TRIM5: variants seen among roughly 807,000 people sequenced by gnomAD.
The protein encoded by TRIM5 is tripartite motif-containing protein 5.
In TRIM5, 31 loss-of-function variants were observed where a neutral mutation model predicts 35.6. The observed-to-expected ratio is 0.87, with a 90% CI of 0.65 to 1.18. The LOEUF is 1.18. TRIM5 is among the 50% of genes most tolerant of loss of function. The pLI is 0.00. For synonymous variants in TRIM5, 243 were observed against 215.6 expected, an observed-to-expected ratio of 1.13 and a Z score of -1.11; for missense variants, 609 against 591.6, an observed-to-expected ratio of 1.03 and a Z score of -0.31.
At chr11:5,657,603 TA>T in the TRIM5 span, among the ~76,000 whole-genome samples, 1 of 90,952 alleles carries the variant, frequency 1.1e-5, no homozygotes, top group Non-Finnish European at 1.9e-5. Context: ...ATATATAATA[TA>T]TATTTATATA....
the TRIM5 span, among the ~76,000 whole-genome samples, chr11:5,652,408 T>G: frequency 1.3e-5 from 2 of 152,264 alleles, no homozygotes; most frequent in Admixed American, 6.5e-5. Context: ...CTCAGCCCAT[T>G]CATTGAATAA....
the TRIM5 span, among the ~76,000 whole-genome samples, chr11:5,627,380 CA>C: frequency 3.4e-4 from 51 of 148,524 alleles, no homozygotes; most frequent in Admixed American, 8.7e-4. Context: ...AACTCCGTCT[CA>C]AAAAAAAAGG....
In TRIM5 at chr11:5,663,330, T is replaced by A; in HGVS notation, c.*1479A>T. 1 of 944,754 alleles carries A rather than the reference T, an allele frequency of 1.1e-6. No individual in the cohort carries two copies. The highest frequency in any genetic ancestry group is 1.3e-6 in the Non-Finnish European group (1 of 792,924). The allele number at this position is 944,754 out of a possible 1,614,324, so 58.5% of individuals were successfully genotyped here. ...TCAGTTTGTTTGATAAAGACTAATATGTAGCAACACTAGAATTACAATAAA... is the reference window on the plus strand; with the variant it reads ...TCAGTTTGTTTGATAAAGACTAATAAGTAGCAACACTAGAATTACAATAAA... On this transcript the variant is annotated 3_prime_UTR_variant, in exon 8 of 8. Transcript: ENST00000380034.
chr11:5,592,397 G>A, the TRIM5 span, among the ~76,000 whole-genome samples: 1 of 152,016 alleles, frequency 6.6e-6, no homozygotes, highest in Non-Finnish European at 1.5e-5. Flanking sequence ...TTACAGATAG[G>A]GAAACTGAGG....
At chr11:5,676,908 A>T (rs1201999593) in intron 4 of TRIM5, among the ~76,000 whole-genome samples, 80 of 150,492 alleles carry the variant, frequency 5.3e-4, no homozygotes, top group African/African-American at 1.9e-3. Context: ...ATATGTAGAA[A>T]GCTGAAACTG....
the TRIM5 span, among the ~76,000 whole-genome samples, chr11:5,609,099 T>C: frequency 6.6e-6 from 1 of 152,208 alleles, no homozygotes; most frequent in South Asian, 2.1e-4. Flanking sequence ...ACCCGAGCTC[T>C]GGAGGATAAT....
the TRIM5 span, among the ~76,000 whole-genome samples, chr11:5,628,732 T>C: frequency 1.1e-3 from 160 of 152,248 alleles, no homozygotes; most frequent in African/African-American, 3.6e-3. Flanking sequence ...ACAAACTAGA[T>C]GACTTAAAAC....
chr11:5,645,253 G>A, the TRIM5 span, among the ~76,000 whole-genome samples: 2 of 152,012 alleles, frequency 1.3e-5, no homozygotes, highest in Admixed American at 1.3e-4. Context: ...TTAGCTGGAT[G>A]TGGTGGCGAG....
the TRIM5 span, among the ~76,000 whole-genome samples, chr11:5,625,267 C>T: frequency 1.8e-4 from 28 of 152,218 alleles, no homozygotes; most frequent in African/African-American, 6.3e-4. Flanking sequence ...GTTAAAGAGG[C>T]AGAAGGCCGC....
the TRIM5 span, among the ~76,000 whole-genome samples, chr11:5,624,332 A>T: frequency 6.6e-6 from 1 of 152,170 alleles, no homozygotes; most frequent in African/African-American, 2.4e-5. Context: ...CCTTTTAAAG[A>T]TTTAGAGCAT....
At chr11:5,604,177 CGTGTGTGTGT>C in the TRIM5 span, among the ~76,000 whole-genome samples, 4 of 131,372 alleles carry the variant, frequency 3.0e-5, no homozygotes, top group African/African-American at 7.7e-5. Flanking sequence ...TGTGTGTGTG[CGTGTGTGTGT>C]GTGTTTAGTA....
chr11:5,635,404 A>G, the TRIM5 span, among the ~76,000 whole-genome samples: 7 of 151,518 alleles, frequency 4.6e-5, no homozygotes, highest in Admixed American at 1.3e-4. Context: ...ACAGGCACCC[A>G]CCACCACGTC....
At chr11:5,658,005 A>G in the TRIM5 span, among the ~76,000 whole-genome samples, 1 of 152,084 alleles carries the variant, frequency 6.6e-6, no homozygotes, top group Admixed American at 6.6e-5. Flanking sequence ...AAGTGCTGAA[A>G]AGAGAAAGGC....
At position 5,685,027 on chromosome 11, in the gene TRIM5, C is replaced by A. The variant is rs1435202647; in HGVS notation, c.-221G>T. 6.6e-6 allele frequency: 1 copy of A among 152,230 alleles called. No homozygotes were observed. Among genetic ancestry groups the A allele is most frequent in the African/African-American group, 2.4e-5 (1 of 41,432 alleles). 9.4% of individuals were successfully genotyped at this position (152,230 alleles called of 1,614,324 possible). A position where few individuals can be genotyped will look rare whatever the true frequency, so the allele number is the denominator to read the frequency against. ...TAGGATTCACTCACCAATCCACGGG[C>A]CTGATCTGCACAAAGGAATTTTCCT... is the stretch of plus-strand genomic sequence containing the variant. On this transcript the variant is annotated 5_prime_UTR_variant, in exon 1 of 8. Coordinates refer to ENST00000380034, the MANE Select transcript of TRIM5 (RefSeq NM_033034.3).
chr11:5,622,852 A>ACAGCCT, the TRIM5 span, among the ~76,000 whole-genome samples: 1 of 152,240 alleles, frequency 6.6e-6, no homozygotes, highest in African/African-American at 2.4e-5. Flanking sequence ...TGCACCCATG[A>ACAGCCT]CAGCCTCAGG....
At chr11:5,600,693 A>G in the TRIM5 span, among the ~76,000 whole-genome samples, 20 of 85,644 alleles carry the variant, frequency 2.3e-4, no homozygotes, top group African/African-American at 8.7e-4. Flanking sequence ...GCCCACACGG[A>G]CTGTTTTTTA....
downstream of TRIM5, among the ~76,000 whole-genome samples, chr11:5,658,229 G>A (rs557220799): frequency 8.5e-5 from 13 of 152,236 alleles, no homozygotes; most frequent in Non-Finnish European, 1.5e-4. Flanking sequence ...ACCAGCACAT[G>A]CTGGAAGGCC....
chr11:5,653,019 A>T, the TRIM5 span, among the ~76,000 whole-genome samples: 1 of 151,728 alleles, frequency 6.6e-6, no homozygotes, highest in Non-Finnish European at 1.5e-5. Flanking sequence ...TACCCGGCTA[A>T]TTTTTTGTAT....
the TRIM5 span, among the ~76,000 whole-genome samples, chr11:5,616,014 G>T: frequency 0.17 from 24,532 of 147,730 alleles, 2,067 homozygotes; most frequent in East Asian, 0.3. Flanking sequence ...GACGTGGCGC[G>T]ATCTCGGCTC....
Sources: allele counts gnomAD v4.1 joint callset (sites outside exome capture counted in the v4.1 genomes callset), GRCh38; gene constraint gnomAD v4.1.1; transcripts MANE v1.5; gene names NCBI Gene and HGNC (gene_info 2026-07-23, HGNC 2026-07-21).